AGBL1: variants seen among roughly 807,000 people sequenced by gnomAD.
The protein encoded by AGBL1 is cytosolic carboxypeptidase 4.
AGBL1 carries 130 observed loss-of-function variants against 118.9 expected under a neutral mutation model. The observed-to-expected ratio is 1.09, with a 90% CI of 0.95 to 1.26. The LOEUF is 1.26. Among genes scored for constraint, AGBL1 ranks in the 50% most tolerant of loss-of-function variants. The probability of loss-of-function intolerance (pLI) is 0.00; values close to 1 mark genes in which losing one functional copy is unlikely to be tolerated. For synonymous variants in AGBL1, 555 were observed against 478.9 expected (o/e 1.16, Z -2.08); for missense variants, 1,584 against 1,298.1 (o/e 1.22, Z -3.38).
Position 86,789,645 on chromosome 15 carries a change from T to A in AGBL1, c.3158+115209T>A, listed in dbSNP as rs1017413040. Among the ~76,000 whole-genome samples the A allele has an allele frequency of 6.6e-5, 10 of 152,096 alleles. No individual in the cohort carries two copies. The East Asian group carries it at 1.9e-3, about 29-fold the overall frequency. ...CAACCTGGATTGCCACAGTGCCCAT[T>A]TCAGTGGCTCTCAATCCTCACTCAC... is the stretch of plus-strand genomic sequence containing the variant. On this transcript the variant is annotated intron_variant, in intron 22 of 22. Coordinates refer to ENST00000614907, the MANE Select transcript of AGBL1 (RefSeq NM_001386094.1).
At chr15:86,098,597 A>G (rs1896526069) in intron 1 of AGBL1, among the ~76,000 whole-genome samples, 1 of 152,130 alleles carries the variant, frequency 6.6e-6, no homozygotes, top group Non-Finnish European at 1.5e-5. Flanking sequence ...TGTTCTTGGT[A>G]CCTTTGTCCA....
At chr15:86,753,243 A>T (rs990525650) in intron 22 of AGBL1, among the ~76,000 whole-genome samples, 2 of 151,918 alleles carry the variant, frequency 1.3e-5, no homozygotes, top group African/African-American at 4.8e-5. Context: ...CTCAATCTCC[A>T]TTCTTGCTGT....
chr15:87,006,347 A>C (rs532148397), intron 24 of AGBL1, among the ~76,000 whole-genome samples: 1 of 152,176 alleles, frequency 6.6e-6, no homozygotes, highest in Admixed American at 6.5e-5. Context: ...CACTCAGTTC[A>C]AGCTTCCCTG....
intron 7 of AGBL1, among the ~76,000 whole-genome samples, chr15:86,256,087 C>G (rs2078890768): frequency 6.6e-6 from 1 of 152,156 alleles, no homozygotes; most frequent in South Asian, 2.1e-4. Context: ...AAAACATTTA[C>G]AAAGATACTG....
chr15:86,174,770 T>G (rs1342372880), intron 5 of AGBL1, among the ~76,000 whole-genome samples: 5 of 152,200 alleles, frequency 3.3e-5, no homozygotes, highest in Non-Finnish European at 7.4e-5. Context: ...GTTTTTATCT[T>G]CCATTCTGTT....
chr15:86,195,830 C>T (rs1389304064), intron 5 of AGBL1, among the ~76,000 whole-genome samples: 2 of 152,054 alleles, frequency 1.3e-5, no homozygotes, highest in Admixed American at 6.6e-5. Flanking sequence ...GGGATTTTTG[C>T]TTTTTTATTT....
chr15:86,089,792 C>T (rs578188045), intron 1 of AGBL1, among the ~76,000 whole-genome samples: 2 of 152,248 alleles, frequency 1.3e-5, no homozygotes, highest in Non-Finnish European at 2.9e-5. Flanking sequence ...GAGGATAATG[C>T]AGATACCCTT....
intron 22 of AGBL1, among the ~76,000 whole-genome samples, chr15:86,731,475 G>C (rs370125223): frequency 6.6e-6 from 1 of 152,138 alleles, no homozygotes; most frequent in Non-Finnish European, 1.5e-5. Flanking sequence ...TAAATATTCT[G>C]CAGTGGGATT....
chr15:86,826,661 A>G (rs918810268), intron 22 of AGBL1, among the ~76,000 whole-genome samples: 3 of 152,214 alleles, frequency 2.0e-5, no homozygotes, highest in Non-Finnish European at 4.4e-5. Flanking sequence ...TGTTAATGTT[A>G]CTGTTCTGGG....
chr15:86,286,749 A>ATATATATATATATATATATAT (rs60775713), intron 16 of AGBL1, among the ~76,000 whole-genome samples: 5 of 145,380 alleles, frequency 3.4e-5, no homozygotes, highest in South Asian at 2.1e-4. Flanking sequence ...ATATATATAT[A>ATATATATATATATATATATAT]AAACTCCATC....
chr15:86,164,396 A>G (rs1197791022), intron 5 of AGBL1, among the ~76,000 whole-genome samples: 1 of 152,138 alleles, frequency 6.6e-6, no homozygotes, highest in African/African-American at 2.4e-5. Flanking sequence ...CTAAGTAGGG[A>G]AATTTATTGA....
At chr15:86,948,918 G>C (rs1418038003) in intron 23 of AGBL1, among the ~76,000 whole-genome samples, 2 of 152,312 alleles carry the variant, frequency 1.3e-5, no homozygotes, top group Admixed American at 6.5e-5. Context: ...AAAGTATCCT[G>C]GAATACAGCC....
chr15:86,399,981 G>C (rs1180970309), intron 18 of AGBL1, among the ~76,000 whole-genome samples: 7 of 152,132 alleles, frequency 4.6e-5, no homozygotes, highest in Non-Finnish European at 8.8e-5. Context: ...TTCTACTGAA[G>C]GAAAAATCTA....
At chr15:86,152,530 A>C (rs2077127365) in intron 3 of AGBL1, among the ~76,000 whole-genome samples, 1 of 152,240 alleles carries the variant, frequency 6.6e-6, no homozygotes, top group African/African-American at 2.4e-5. Context: ...TGGATTGAAG[A>C]CTTAAATGTT....
chr15:86,244,564 A>G (rs2078691245), intron 6 of AGBL1, among the ~76,000 whole-genome samples: 1 of 152,172 alleles, frequency 6.6e-6, no homozygotes, highest in Non-Finnish European at 1.5e-5. Flanking sequence ...GTTAGTAAAC[A>G]TGAGAGTTTG....
intron 23 of AGBL1, among the ~76,000 whole-genome samples, chr15:86,987,663 G>T (rs986462221): frequency 1.3e-5 from 2 of 151,906 alleles, no homozygotes; most frequent in Non-Finnish European, 2.9e-5. Context: ...AGGTTTCTCC[G>T]CATCTAATGA....
intron 18 of AGBL1, among the ~76,000 whole-genome samples, chr15:86,481,128 G>C (rs2435951): frequency 1.4e-5 from 1 of 72,820 alleles, no homozygotes; most frequent in Non-Finnish European, 2.6e-5. Context: ...AGGACAATGA[G>C]AGCAAAAAAA....
intron 18 of AGBL1, among the ~76,000 whole-genome samples, chr15:86,460,572 G>A (rs1194723349): frequency 6.6e-6 from 1 of 152,064 alleles, no homozygotes; most frequent in Non-Finnish European, 1.5e-5. Context: ...CAGCTTCCCA[G>A]GTTCCCAGGT....
intron 21 of AGBL1, among the ~76,000 whole-genome samples, chr15:86,653,020 C>T (rs2085401408): frequency 6.6e-6 from 1 of 152,128 alleles, no homozygotes; most frequent in Admixed American, 6.6e-5. Flanking sequence ...GTAGAGAATC[C>T]TTGTTATAGA....
Sources: allele counts gnomAD v4.1 joint callset (sites outside exome capture counted in the v4.1 genomes callset), GRCh38; gene constraint gnomAD v4.1.1; transcripts MANE v1.5; gene names NCBI Gene and HGNC (gene_info 2026-07-23, HGNC 2026-07-21).